The following POU2F1 variants were observed in gnomAD, a reference collection of about 807,000 sequenced individuals.
The protein encoded by POU2F1 is POU class 2 homeobox 1, also known as POU domain, class 2, transcription factor 1.
A neutral mutation model predicts 84.9 loss-of-function variants in POU2F1; 16 were observed. The ratio of observed to expected loss-of-function variants is 0.19; its 90% confidence interval spans 0.13 to 0.29. The LOEUF is 0.29. Among genes scored for constraint, POU2F1 ranks in the 10% least tolerant of loss-of-function variants. The probability of loss-of-function intolerance (pLI) is 1.00; values close to 1 mark genes in which losing one functional copy is unlikely to be tolerated. For missense variants in POU2F1, 738 were observed against 942.6 expected (o/e 0.78, Z 2.84); for synonymous variants, 368 against 368.3 (o/e 1.00, Z 0.01).
At chr1:167,322,256 T>C (rs1029139494) in intron 1 of POU2F1, among the ~76,000 whole-genome samples, 1 of 152,226 alleles carries the variant, frequency 6.6e-6, no homozygotes, top group Admixed American at 6.5e-5. Context: ...CCCATCTCCA[T>C]ATATGACACA....
chr1:167,390,983 A>T (rs1571426695), intron 9 of POU2F1, among the ~76,000 whole-genome samples: 1 of 152,208 alleles, frequency 6.6e-6, no homozygotes, highest in East Asian at 1.9e-4. Flanking sequence ...GGAATTTGTC[A>T]GCTAACCGAG....
rs1449679725 is a variant in POU2F1 at position 167,418,038 on chromosome 1, T to C, written c.*2228T>C. 1 of 152,208 alleles carries C rather than the reference T, an allele frequency of 6.6e-6. No individual in the cohort carries two copies. Among genetic ancestry groups the C allele is most frequent in the Admixed American group, 6.5e-5 (1 of 15,282 alleles). 9.4% of individuals were successfully genotyped at this position (152,208 alleles called of 1,614,324 possible). On this transcript the variant is annotated 3_prime_UTR_variant, in exon 16 of 16. Coordinates refer to ENST00000367866, the MANE Select transcript of POU2F1 (RefSeq NM_002697.4). ...ACTAACAAATGTCCATTCACCCTTT[T>C]TGTGTGGTGTGTTTTTTTATGTTTT...
intron 15 of POU2F1, among the ~76,000 whole-genome samples, chr1:167,413,620 C>G (rs1172178314): frequency 6.6e-6 from 1 of 152,134 alleles, no homozygotes; most frequent in Non-Finnish European, 1.5e-5. Context: ...AAGTTCTGCT[C>G]TTTTTATATC....
intron 2 of POU2F1, among the ~76,000 whole-genome samples, chr1:167,361,388 T>G (rs909979656): frequency 1.3e-5 from 2 of 152,190 alleles, no homozygotes; most frequent in African/African-American, 4.8e-5. Context: ...TATAAAGGGA[T>G]GTTAGATTTT....
intron 1 of POU2F1, among the ~76,000 whole-genome samples, chr1:167,278,180 G>A (rs1652870542): frequency 6.6e-6 from 1 of 152,078 alleles, no homozygotes; most frequent in African/African-American, 2.4e-5. Flanking sequence ...ATTCTCACAG[G>A]TACCATGCTC....
intron 1 of POU2F1, among the ~76,000 whole-genome samples, chr1:167,331,665 A>G (rs894841333): frequency 6.6e-6 from 1 of 152,064 alleles, no homozygotes; most frequent in African/African-American, 2.4e-5. Flanking sequence ...TCTTCTCTTA[A>G]TGTATTTTCT....
chr1:167,295,644 A>G (rs1317297136), intron 1 of POU2F1, among the ~76,000 whole-genome samples: 2 of 152,212 alleles, frequency 1.3e-5, no homozygotes, highest in African/African-American at 2.4e-5. Flanking sequence ...AACCAAAGCT[A>G]TTGAAATTTT....
intron 1 of POU2F1, among the ~76,000 whole-genome samples, chr1:167,297,332 C>T (rs953936865): frequency 1.6e-4 from 25 of 152,282 alleles, no homozygotes; most frequent in South Asian, 4.1e-4. Context: ...AAGGAGTTTG[C>T]GTGGCTAATC....
chr1:167,413,261 ACTTGTT>A, intron 15 of POU2F1, 147 bp downstream of exon 15: 1 of 709,814 alleles, frequency 1.4e-6, no homozygotes, highest in Non-Finnish European at 2.3e-6. Flanking sequence ...ATGCTGACTA[ACTTGTT>A]CTTGAGAACT....
chr1:167,260,607 T>C (rs552604195), intron 1 of POU2F1, among the ~76,000 whole-genome samples: 1 of 152,358 alleles, frequency 6.6e-6, no homozygotes, highest in South Asian at 2.1e-4. Context: ...GTTGAATTTT[T>C]CCCTCTTTCC....
At chr1:167,354,511 C>CA (rs1387611491) in intron 2 of POU2F1, among the ~76,000 whole-genome samples, 2 of 152,100 alleles carry the variant, frequency 1.3e-5, no homozygotes, top group Admixed American at 6.5e-5. Flanking sequence ...AGGCTGGTCT[C>CA]AGACTCCTGA....
chr1:167,399,344 T>G lies in POU2F1; in HGVS notation c.1428T>G (p.Ile476Met). 6.2e-7 allele frequency: 1 copy of G among 1,612,920 alleles called. No individual in the cohort carries two copies. The highest frequency in any genetic ancestry group is 8.5e-7 in the Non-Finnish European group (1 of 1,179,474). The change falls in exon 12 of 16, where the codon ATT becomes ATG. Residue 476 changes from isoleucine (I) to methionine (M), a missense_variant. Coordinates refer to ENST00000367866, the MANE Select transcript of POU2F1 (RefSeq NM_002697.4). ...CCAGCAGCTCACCTATTAAAGCAATTTTCCCCAGCCCAACTTCACTGGTAA... is the reference window on the plus strand; with the variant it reads ...CCAGCAGCTCACCTATTAAAGCAATGTTCCCCAGCCCAACTTCACTGGTAA... ...GGTSSSPIKA[I>M]FPSPTSLVAT...
intron 1 of POU2F1, among the ~76,000 whole-genome samples, chr1:167,270,178 T>C (rs1476205264): frequency 6.6e-6 from 1 of 152,176 alleles, no homozygotes; most frequent in Non-Finnish European, 1.5e-5. Context: ...AAATTTTTAG[T>C]ATTCCTATTT....
intron 1 of POU2F1, among the ~76,000 whole-genome samples, chr1:167,251,097 T>C (rs1462119874): frequency 6.6e-6 from 1 of 152,192 alleles, no homozygotes; most frequent in Admixed American, 6.5e-5. Flanking sequence ...TGAGGTATTT[T>C]AGCTTTAAAG....
At chr1:167,338,788 A>C (rs769063175) in intron 2 of POU2F1, among the ~76,000 whole-genome samples, 13 of 152,300 alleles carry the variant, frequency 8.5e-5, no homozygotes, top group African/African-American at 3.1e-4. Flanking sequence ...GTATGTATAT[A>C]CTACATTTTG....
At chr1:167,280,843 C>T (rs7532692) in intron 1 of POU2F1, among the ~76,000 whole-genome samples, 25,684 of 152,086 alleles carry the variant, frequency 0.17, 2,312 homozygotes, top group Non-Finnish European at 0.2. Context: ...ATGCCAAAGG[C>T]GTTTATTAAG....
chr1:167,250,600 G>C (rs890580584), intron 1 of POU2F1, among the ~76,000 whole-genome samples: 1 of 152,160 alleles, frequency 6.6e-6, no homozygotes, highest in African/African-American at 2.4e-5. Context: ...AATAACAAAG[G>C]TAGCAATATG....
Position 167,269,337 on chromosome 1 carries a change from C to T in POU2F1, c.61+48379C>T, listed in dbSNP as rs73034572. 5.2e-3 allele frequency among the ~76,000 whole-genome samples: 796 copies of T among 152,274 alleles called. 10 individuals are homozygous for T. Among genetic ancestry groups the T allele is most frequent in the African/African-American group, 0.018 (732 of 41,544 alleles). ...GGAGTGTATGGTTCTAGGTATTTGC[C>T]TACTGTTAACCGTTGAGAAAAACAT... On this transcript the variant is annotated intron_variant, in intron 1 of 15. Transcript: ENST00000367866.
intron 1 of POU2F1, among the ~76,000 whole-genome samples, chr1:167,289,687 C>T (rs1013501802): frequency 6.6e-6 from 1 of 152,134 alleles, no homozygotes; most frequent in African/African-American, 2.4e-5. Flanking sequence ...ACCAGATTGC[C>T]ATAACTTAAA....
Sources: allele counts gnomAD v4.1 joint callset (sites outside exome capture counted in the v4.1 genomes callset), GRCh38; gene constraint gnomAD v4.1.1; transcripts MANE v1.5; gene names NCBI Gene and HGNC (gene_info 2026-07-23, HGNC 2026-07-21).